Variants in LRRC8D observed in about 807,000 individuals in gnomAD.
LRRC8D encodes leucine rich repeat containing 8 VRAC subunit D, also known as volume-regulated anion channel subunit LRRC8D.
In LRRC8D, 20 loss-of-function variants were observed where a neutral mutation model predicts 55.8. The observed-to-expected ratio is 0.36, with a 90% CI of 0.25 to 0.52. The LOEUF is 0.52. LRRC8D is among the 20% of genes least tolerant of loss of function. The pLI is 0.93. For synonymous variants in LRRC8D, 352 were observed against 377.0 expected, an observed-to-expected ratio of 0.93 and a Z score of 0.77; for missense variants, 651 against 1,030.8, an observed-to-expected ratio of 0.63 and a Z score of 5.05.
At chr1:89,866,307 A>G (rs1661848625) in intron 2 of LRRC8D, among the ~76,000 whole-genome samples, 1 of 152,222 alleles carries the variant, frequency 6.6e-6, no homozygotes, top group African/African-American at 2.4e-5. Flanking sequence ...CTGATGAGGA[A>G]TGCTTGGTGA....
At chr1:89,843,320 T>G in intron 1 of LRRC8D, 16 of 208,086 alleles carry the variant, frequency 7.7e-5, no homozygotes, top group East Asian at 2.1e-4. Flanking sequence ...GTGGAGTCCA[T>G]TGATCTAGGT....
chr1:89,822,541 G>A (rs1202706616), intron 1 of LRRC8D, among the ~76,000 whole-genome samples: 2 of 152,154 alleles, frequency 1.3e-5, no homozygotes, highest in South Asian at 2.1e-4. Flanking sequence ...GTAAAATTCC[G>A]TACAGGCAGC....
At chr1:89,878,297 G>T (rs77595610) in intron 2 of LRRC8D, among the ~76,000 whole-genome samples, 3,063 of 152,296 alleles carry the variant, frequency 0.02, 108 homozygotes, top group African/African-American at 0.07. Flanking sequence ...TCGAACAGCA[G>T]AGTGTTCAGC....
At chr1:89,930,235 C>T (rs897692098) in intron 2 of LRRC8D, among the ~76,000 whole-genome samples, 5 of 152,166 alleles carry the variant, frequency 3.3e-5, no homozygotes, top group African/African-American at 1.2e-4. Context: ...CACTCTGTCA[C>T]CCAGGCTGGA....
intron 1 of LRRC8D, among the ~76,000 whole-genome samples, chr1:89,842,595 G>T (rs1032525294): frequency 2.8e-4 from 42 of 152,306 alleles, no homozygotes; most frequent in African/African-American, 9.1e-4. Flanking sequence ...GATAATAAAA[G>T]GAGCCGTTTG....
rs371125847 is a variant in LRRC8D, at chr1:89,934,475, G to A, written c.1407G>A (p.Gln469=). Residue 469 remains glutamine, a synonymous_variant, in exon 3 of 3, where the codon CAG becomes CAA. Coordinates refer to ENST00000337338, the MANE Select transcript of LRRC8D (RefSeq NM_001134479.2). The surrounding 1 kb of genome is among the most constrained non-coding windows in gnomAD (Gnocchi z 5.9). ...KLRQHISRNA[Q]DKQELHLFML... ...GGCAGCACATTTCACGCAACGCCCA[G>A]GACAAGCAGGAGTTGCATCTGTTCA... is the stretch of plus-strand genomic sequence containing the variant. 5.6e-6 allele frequency: 9 copies of A among 1,614,036 alleles called. No homozygotes were observed. Among genetic ancestry groups the A allele is most frequent in the Non-Finnish European group, 7.6e-6 (9 of 1,180,034 alleles).
In LRRC8D at chr1:89,843,611, CT is replaced by C. The variant is rs1036249860; in HGVS notation, c.-147-24del. 3 of 702,114 alleles carry C rather than the reference CT, an allele frequency of 4.3e-6. No homozygotes were observed. In the African/African-American group the frequency reaches 5.2e-5, roughly 12 times the overall value. 43.5% of individuals were successfully genotyped at this position (702,114 alleles called of 1,614,324 possible). A position where few individuals can be genotyped will look rare whatever the true frequency, so the allele number is the denominator to read the frequency against. ...TGCCGACACTTGGATCTCTCTAGCTCTTTCTCTCCCCTGTGTTTTCAAACAG... is the reference window on the plus strand; with the variant it reads ...TGCCGACACTTGGATCTCTCTAGCTCTTCTCTCCCCTGTGTTTTCAAACAG... On this transcript the variant is annotated intron_variant, in intron 1 of 2. Transcript: ENST00000337338.
At chr1:89,890,900 A>G (rs1050474482) in intron 2 of LRRC8D, among the ~76,000 whole-genome samples, 1 of 151,716 alleles carries the variant, frequency 6.6e-6, no homozygotes, top group Admixed American at 6.6e-5. Context: ...TATTTTTTTT[A>G]GAGACGGAGT....
rs1229824525 is a variant in LRRC8D at position 89,821,162 on chromosome 1, G to GCAGGGTC, written c.-270_-264dup. On this transcript the variant is annotated 5_prime_UTR_variant, in exon 1 of 3. An upstream open reading frame in the 5' UTR loses its in-frame stop. Coordinates refer to ENST00000337338, the MANE Select transcript of LRRC8D (RefSeq NM_001134479.2). ...GGCAGCCGCGGGCGGGGCCGCGGGA[G>GCAGGGTC]CAGGGTCCAGGGTGCAGCGCGCCTT... is the stretch of plus-strand genomic sequence containing the variant. 7.2e-5 allele frequency: 11 copies of GCAGGGTC among 151,770 alleles called. No individual in the cohort carries two copies. The highest frequency in any genetic ancestry group is 2.7e-4 in the African/African-American group (11 of 41,356). 9.4% of individuals were successfully genotyped at this position (151,770 alleles called of 1,614,324 possible). A position where few individuals can be genotyped will look rare whatever the true frequency, so the allele number is the denominator to read the frequency against.
chr1:89,908,723 G>A (rs1016215808), intron 2 of LRRC8D, among the ~76,000 whole-genome samples: 2 of 152,162 alleles, frequency 1.3e-5, no homozygotes, highest in Admixed American at 6.5e-5. Context: ...TGAATTGGCC[G>A]ACCATTGACC....
At chr1:89,821,521 C>T (rs1187458387) in intron 1 of LRRC8D, among the ~76,000 whole-genome samples, 2 of 152,156 alleles carry the variant, frequency 1.3e-5, no homozygotes, top group Non-Finnish European at 2.9e-5. Context: ...CCGCTTTCTG[C>T]AGTCTGAGCG....
chr1:89,902,001 T>A (rs1006480818), intron 2 of LRRC8D, among the ~76,000 whole-genome samples: 1 of 152,244 alleles, frequency 6.6e-6, no homozygotes, highest in Non-Finnish European at 1.5e-5. Context: ...TTTAGTATAG[T>A]AACACATTTC....
chr1:89,857,657 G>A (rs1661593491), intron 2 of LRRC8D, among the ~76,000 whole-genome samples: 1 of 152,088 alleles, frequency 6.6e-6, no homozygotes, highest in South Asian at 2.1e-4. Flanking sequence ...CCACTAGTGG[G>A]AAAAAGGAAA....
chr1:89,900,601 G>A (rs1306311217), intron 2 of LRRC8D, among the ~76,000 whole-genome samples: 1 of 152,170 alleles, frequency 6.6e-6, no homozygotes, highest in Middle Eastern at 3.2e-3. Flanking sequence ...GAAGCATAGT[G>A]GCACTTACTG....
intron 2 of LRRC8D, among the ~76,000 whole-genome samples, chr1:89,844,521 G>T (rs981785884): frequency 1.4e-4 from 22 of 152,094 alleles, no homozygotes; most frequent in African/African-American, 4.8e-4. Context: ...TGAGACAGAA[G>T]GTACTTTAAC....
intron 2 of LRRC8D, among the ~76,000 whole-genome samples, chr1:89,862,802 G>A (rs1322299763): frequency 1.3e-5 from 2 of 152,164 alleles, no homozygotes; most frequent in Admixed American, 6.5e-5. Context: ...TGGGGGAACA[G>A]GCTGTGGAAC....
At chr1:89,903,472 A>G (rs570744920) in intron 2 of LRRC8D, among the ~76,000 whole-genome samples, 21 of 152,312 alleles carry the variant, frequency 1.4e-4, no homozygotes, top group South Asian at 1.2e-3. Flanking sequence ...TGCCTTTTCA[A>G]TGAGGTACAC....
chr1:89,829,373 C>T (rs925481035), intron 1 of LRRC8D, among the ~76,000 whole-genome samples: 4 of 152,162 alleles, frequency 2.6e-5, no homozygotes, highest in Admixed American at 2.0e-4. Context: ...TCCCACTCTA[C>T]GGATGAGGTC....
chr1:89,827,983 A>G (rs1233382473), intron 1 of LRRC8D, among the ~76,000 whole-genome samples: 3 of 152,222 alleles, frequency 2.0e-5, no homozygotes, highest in Non-Finnish European at 2.9e-5. Context: ...CCCCATGCCT[A>G]TTGAATCAGA....
Sources: gnomAD v4.1 joint callset for allele counts (sites outside exome capture counted in the v4.1 genomes callset) on GRCh38, gnomAD v4.1.1 for gene constraint, Gnocchi (gnomAD v3.1) non-coding constraint, MANE v1.5 for transcripts, NCBI Gene and HGNC (gene_info 2026-07-23, HGNC 2026-07-21) for gene names.